WDR41: variants seen among roughly 807,000 people sequenced by gnomAD.
WDR41 encodes WD repeat domain 41, also known as WD repeat-containing protein 41.
WDR41 carries 63 observed loss-of-function variants against 69.3 expected under a neutral mutation model. The ratio of observed to expected loss-of-function variants is 0.91; its 90% CI spans 0.74 to 1.12. The LOEUF is 1.12. Among genes scored for constraint, WDR41 ranks in the 50% most tolerant of loss-of-function variants. WDR41 has a pLI of 0.00. For missense variants in WDR41, 543 were observed against 534.5 expected (o/e 1.02, Z -0.16); for synonymous variants, 185 against 192.1 (o/e 0.96, Z 0.31).
intron 1 of WDR41, among the ~76,000 whole-genome samples, chr5:77,605,104 AT>A (rs1744392364): frequency 6.6e-6 from 1 of 152,174 alleles, no homozygotes; most frequent in South Asian, 2.1e-4. Flanking sequence ...CCCTCTCCAA[AT>A]TGTTGAGTCA....
rs775024057 is a variant in WDR41 at position 77,491,237 on chromosome 5, C to T, written c.51+933G>A. The stretch of plus-strand genomic sequence containing the variant: ...TGGCTCATCCTGGCTCAAAAAGCTC[C>T]CCTGAGCACCTTGCCCCACTCCTGC... On this transcript the variant is annotated intron_variant, in intron 1 of 12. Coordinates refer to ENST00000296679, the MANE Select transcript of WDR41 (RefSeq NM_018268.4). The T allele has an allele frequency of 6.4e-5, 24 of 372,740 alleles. 1 individual carries two copies. Among genetic ancestry groups the T allele is most frequent in the South Asian group, 3.9e-4 (21 of 53,672 alleles). The allele number at this position is 372,740 out of a possible 1,614,324, so 23.1% of individuals were successfully genotyped here.
intron 1 of WDR41, among the ~76,000 whole-genome samples, chr5:77,606,933 A>G (rs1260278785): frequency 2.7e-5 from 4 of 150,824 alleles, no homozygotes; most frequent in African/African-American, 9.7e-5. Context: ...GCACTTTGCC[A>G]GTAACTCAAG....
chr5:77,505,907 T>C (rs1271756211), intron 1 of WDR41, among the ~76,000 whole-genome samples: 1 of 152,088 alleles, frequency 6.6e-6, no homozygotes, highest in Non-Finnish European at 1.5e-5. Flanking sequence ...TAAAGACTTA[T>C]ATGTTAGACC....
intron 1 of WDR41, among the ~76,000 whole-genome samples, chr5:77,609,364 C>T (rs574516932): frequency 6.6e-6 from 1 of 152,258 alleles, no homozygotes; most frequent in Admixed American, 6.5e-5. Context: ...CAAGTGGGTC[C>T]CCGACCCCTG....
chr5:77,557,405 C>A (rs1407302660), intron 1 of WDR41, among the ~76,000 whole-genome samples: 14 of 152,144 alleles, frequency 9.2e-5, no homozygotes, highest in Admixed American at 9.2e-4. Flanking sequence ...CAGAGAAACA[C>A]ACACAATCCA....
intron 1 of WDR41, among the ~76,000 whole-genome samples, chr5:77,520,688 T>A (rs1455430426): frequency 6.6e-6 from 1 of 152,168 alleles, no homozygotes; most frequent in Non-Finnish European, 1.5e-5. Flanking sequence ...CTGAACCCCA[T>A]AAAGCTGAAG....
chr5:77,605,028 G>A (rs1464215587), intron 1 of WDR41, among the ~76,000 whole-genome samples: 1 of 152,090 alleles, frequency 6.6e-6, no homozygotes, highest in African/African-American at 2.4e-5. Flanking sequence ...TTTCGGTATG[G>A]GGGCAGAGGT....
At chr5:77,435,632 T>G (rs535427959) in intron 12 of WDR41, among the ~76,000 whole-genome samples, 3 of 152,360 alleles carry the variant, frequency 2.0e-5, no homozygotes, top group African/African-American at 7.2e-5. Context: ...GGGCCCTGAT[T>G]ACACTGTTAT....
chr5:77,516,217 T>G (rs1802289858), intron 1 of WDR41, among the ~76,000 whole-genome samples: 1 of 152,204 alleles, frequency 6.6e-6, no homozygotes, highest in African/African-American at 2.4e-5. Context: ...TTGTTTTAAT[T>G]TGCATTTTTA....
intron 1 of WDR41, among the ~76,000 whole-genome samples, chr5:77,508,480 C>A (rs1802148449): frequency 6.6e-6 from 1 of 152,174 alleles, no homozygotes; most frequent in South Asian, 2.1e-4. Context: ...ATCATAACAT[C>A]TTTTACTTCT....
intron 8 of WDR41, among the ~76,000 whole-genome samples, chr5:77,448,127 C>T (rs751645345): frequency 9.9e-5 from 15 of 152,146 alleles, no homozygotes; most frequent in Non-Finnish European, 2.1e-4. Flanking sequence ...CATGCTGGCT[C>T]AGTGGTGCCA....
chr5:77,606,194 G>A (rs943650125), intron 1 of WDR41, among the ~76,000 whole-genome samples: 11 of 152,024 alleles, frequency 7.2e-5, no homozygotes, highest in African/African-American at 2.2e-4. Flanking sequence ...TGAGTTCCTC[G>A]AAGACAGAGA....
chr5:77,603,613 T>C (rs2112328054), intron 1 of WDR41, among the ~76,000 whole-genome samples: 1 of 151,134 alleles, frequency 6.6e-6, no homozygotes, highest in South Asian at 2.1e-4. Context: ...TTTAGTTGTC[T>C]GTGCTTTTGA....
At chr5:77,535,524 G>T (rs1048094540) in intron 1 of WDR41, among the ~76,000 whole-genome samples, 6 of 151,916 alleles carry the variant, frequency 3.9e-5, no homozygotes, top group Admixed American at 2.0e-4. Context: ...TAGCACACAG[G>T]GCTAATACTA....
At chr5:77,565,847 A>G (rs1182195337) in intron 1 of WDR41, among the ~76,000 whole-genome samples, 5 of 152,182 alleles carry the variant, frequency 3.3e-5, no homozygotes, top group East Asian at 1.9e-4. Context: ...AATGTCATGA[A>G]AAGAAGAACC....
intron 1 of WDR41, among the ~76,000 whole-genome samples, chr5:77,588,070 C>T (rs1252125393): frequency 6.6e-6 from 1 of 152,100 alleles, no homozygotes; most frequent in African/African-American, 2.4e-5. Context: ...TGCTTATTGG[C>T]CATTTTAAAA....
At chr5:77,558,941 T>C (rs182455842) in intron 1 of WDR41, among the ~76,000 whole-genome samples, 8 of 152,200 alleles carry the variant, frequency 5.3e-5, no homozygotes, top group Admixed American at 5.2e-4. Flanking sequence ...AAAACCTTAA[T>C]TTTTAAAGCT....
chr5:77,500,162 A>G (rs932759200), intron 1 of WDR41, among the ~76,000 whole-genome samples: 1 of 152,248 alleles, frequency 6.6e-6, no homozygotes, highest in African/African-American at 2.4e-5. Flanking sequence ...ACTTTAAAAC[A>G]TATTATAAAA....
intron 1 of WDR41, among the ~76,000 whole-genome samples, chr5:77,609,200 A>G (rs946249354): frequency 1.3e-5 from 2 of 152,218 alleles, no homozygotes; most frequent in African/African-American, 2.4e-5. Flanking sequence ...GCCTGCCTGC[A>G]TCTGTAGGCT....
Sources: allele counts gnomAD v4.1 joint callset (sites outside exome capture counted in the v4.1 genomes callset), GRCh38; gene constraint gnomAD v4.1.1; transcripts MANE v1.5; gene names NCBI Gene and HGNC (gene_info 2026-07-23, HGNC 2026-07-21).